PCDHA1: variants seen among roughly 807,000 people sequenced by gnomAD.
PCDHA1 encodes the protein protocadherin alpha-1.
PCDHA1 carries 42 observed loss-of-function variants against 61.3 expected under a neutral mutation model. The observed-to-expected ratio is 0.69, with a 90% CI of 0.54 to 0.89. PCDHA1 has a LOEUF of 0.89. Among genes scored for constraint, PCDHA1 ranks in the 40% least tolerant of loss-of-function variants. The pLI is 0.00. For synonymous variants in PCDHA1, 610 were observed against 553.8 expected (o/e 1.10, Z -1.43); for missense variants, 1,256 against 1,235.3 (o/e 1.02, Z -0.25).
Position 140,838,737 on chromosome 5 carries a change from A to G in PCDHA1, c.2394+50053A>G, listed in dbSNP as rs2150292002. The stretch of plus-strand genomic sequence containing the variant: ...GATTGCTTCAGTCTAGTAGTTTGAG[A>G]CCAGCTTGTGCATCTTTTGTAGAGA... On this transcript the variant is annotated intron_variant, in intron 1 of 3. Coordinates refer to ENST00000504120, the MANE Select transcript of PCDHA1 (RefSeq NM_018900.4). Among the ~76,000 whole-genome samples, 22 of 152,120 alleles carry G rather than the reference A, an allele frequency of 1.4e-4. 1 individual carries two copies. Among genetic ancestry groups the G allele is most frequent in the African/African-American group, 5.3e-4 (22 of 41,484 alleles).
intron 1 of PCDHA1, among the ~76,000 whole-genome samples, chr5:140,945,113 T>C (rs1359604882): frequency 2.6e-5 from 4 of 152,084 alleles, no homozygotes; most frequent in African/African-American, 4.8e-5. Flanking sequence ...AGTTGAAAGA[T>C]AAAAAATCAA....
chr5:140,809,621 T>C, intron 1 of PCDHA1: 1 of 1,510,150 alleles, frequency 6.6e-7, no homozygotes, highest in Non-Finnish European at 8.9e-7. Flanking sequence ...TTTTTCTCTA[T>C]CAACTTCTTC....
chr5:140,814,832 T>C (rs145888595), intron 1 of PCDHA1: 74 of 152,356 alleles, frequency 4.9e-4, no homozygotes, highest in African/African-American at 1.8e-3. Context: ...TATTTCTCCA[T>C]TTCTGTGAAT....
intron 1 of PCDHA1, chr5:140,861,500 C>A: frequency 6.2e-6 from 3 of 482,022 alleles, no homozygotes; most frequent in South Asian, 1.6e-5. Flanking sequence ...CTCTGATAGA[C>A]CTCGAGGAGC....
intron 1 of PCDHA1, chr5:140,969,265 A>T: frequency 1.9e-6 from 3 of 1,614,250 alleles, no homozygotes; most frequent in Non-Finnish European, 2.5e-6. Flanking sequence ...GGAATCTCAC[A>T]GGCCAAAGTG....
At chr5:140,802,973 G>T in intron 1 of PCDHA1, 1 of 1,614,016 alleles carries the variant, frequency 6.2e-7, no homozygotes, top group Non-Finnish European at 8.5e-7. Flanking sequence ...ACGTGGTAGC[G>T]AAGGTGCGCG....
chr5:140,873,889 G>T (rs1373623503), intron 1 of PCDHA1, among the ~76,000 whole-genome samples: 2 of 152,182 alleles, frequency 1.3e-5, no homozygotes, highest in South Asian at 4.1e-4. Context: ...TTGAACTCCT[G>T]ACCTCAGGTG....
chr5:140,871,504 C>G (rs782640295), intron 1 of PCDHA1: 2 of 1,581,824 alleles, frequency 1.3e-6, no homozygotes, highest in African/African-American at 1.3e-5. Context: ...GGTGAGTTTT[C>G]TACAGATTCC....
At chr5:140,900,438 C>G (rs573115268) in intron 1 of PCDHA1, among the ~76,000 whole-genome samples, 1 of 152,116 alleles carries the variant, frequency 6.6e-6, no homozygotes, top group East Asian at 1.9e-4. Context: ...CCACCACGGC[C>G]GGCTAATTTT....
intron 1 of PCDHA1, among the ~76,000 whole-genome samples, chr5:140,898,789 C>T (rs1424905656): frequency 6.6e-6 from 1 of 152,162 alleles, no homozygotes; most frequent in Non-Finnish European, 1.5e-5. Context: ...GCAGTATGGC[C>T]ATTTTCACGA....
intron 1 of PCDHA1, chr5:140,969,003 G>A: frequency 6.2e-7 from 1 of 1,614,226 alleles, no homozygotes; most frequent in Admixed American, 1.7e-5. Context: ...GGAGGCTTCT[G>A]TGGAGTAAGG....
At chr5:140,927,430 A>C (rs782761686) in intron 1 of PCDHA1, 4 of 1,614,152 alleles carry the variant, frequency 2.5e-6, no homozygotes, top group Non-Finnish European at 3.4e-6. Flanking sequence ...GGTTGACGGC[A>C]GCGAATACCC....
chr5:140,819,494 A>T (rs2150104482), intron 1 of PCDHA1, among the ~76,000 whole-genome samples: 2 of 152,164 alleles, frequency 1.3e-5, no homozygotes, highest in Non-Finnish European at 2.9e-5. Context: ...AACATGACTG[A>T]AATATCTAAA....
intron 1 of PCDHA1, chr5:140,884,453 G>A (rs2060182161): frequency 2.5e-6 from 4 of 1,613,658 alleles, no homozygotes; most frequent in Admixed American, 1.7e-5. Flanking sequence ...ACCGCCCACC[G>A]AGGGCGCGTG....
chr5:140,848,496 A>C, intron 1 of PCDHA1: 1 of 1,577,756 alleles, frequency 6.3e-7, no homozygotes, highest in South Asian at 1.1e-5. Context: ...AGTATTTGAA[A>C]TGTTATACTC....
rs6579972 is a variant in PCDHA1, at chr5:140,794,719, G to A, written c.2394+6035G>A. 1,240 of 476,560 alleles carry A rather than the reference G, an allele frequency of 2.6e-3. 11 individuals are homozygous for A. Among genetic ancestry groups the A allele is most frequent in the African/African-American group, 0.022 (1,158 of 51,494 alleles). 29.5% of individuals were successfully genotyped at this position (476,560 alleles called of 1,614,324 possible). A position where few individuals can be genotyped will look rare whatever the true frequency, so the allele number is the denominator to read the frequency against. ...TTTTTTTCCAAGATGAAAGCTATGA[G>A]TAAACTTAAACCAGAAAATCGACTA... On this transcript the variant is annotated intron_variant, in intron 1 of 3. Transcript: ENST00000504120.
At chr5:140,857,327 C>G (rs1554149849) in intron 1 of PCDHA1, 1 of 1,598,614 alleles carries the variant, frequency 6.3e-7, no homozygotes, top group Non-Finnish European at 8.6e-7. Flanking sequence ...GGTGACCGCG[C>G]GGGACGGGGG....
At chr5:140,931,044 CT>C (rs781930381) in intron 1 of PCDHA1, among the ~76,000 whole-genome samples, 67 of 152,264 alleles carry the variant, frequency 4.4e-4, no homozygotes, top group South Asian at 2.7e-3. Flanking sequence ...GCAAGAAAAA[CT>C]TCAATGCTGT....
chr5:140,872,703 G>C (rs1582092486), intron 1 of PCDHA1, among the ~76,000 whole-genome samples: 1 of 152,114 alleles, frequency 6.6e-6, no homozygotes, highest in Admixed American at 6.5e-5. Context: ...TGATTCCAAA[G>C]GAAACTAGGT....
Sources: gnomAD v4.1 joint callset for allele counts (sites outside exome capture counted in the v4.1 genomes callset) on GRCh38, gnomAD v4.1.1 for gene constraint, MANE v1.5 for transcripts, NCBI Gene and HGNC (gene_info 2026-07-23, HGNC 2026-07-21) for gene names.